TECPR2: variants seen among roughly 807,000 people sequenced by gnomAD.
TECPR2 encodes tectonin beta-propeller repeat containing 2, also known as tectonin beta-propeller repeat-containing protein 2.
TECPR2 carries 65 observed loss-of-function variants against 138.1 expected under a neutral mutation model. The ratio of observed to expected loss-of-function variants is 0.47; its 90% confidence interval spans 0.39 to 0.58. The LOEUF (loss-of-function observed/expected upper bound fraction) is 0.58. TECPR2 is among the 20% of genes least tolerant of loss of function. The pLI is 0.00. For missense variants in TECPR2, 1,553 were observed against 1,824.5 expected (o/e 0.85, Z 2.71); for synonymous variants, 746 against 749.8 (o/e 0.99, Z 0.08).
chr14:102,431,803 T>G lies in TECPR2; in HGVS notation c.1092T>G (p.Asp364Glu), dbSNP rs146320923. 2 of 1,555,486 alleles carry G rather than the reference T, an allele frequency of 1.3e-6. No individual in the cohort carries two copies. The highest frequency in any genetic ancestry group is 1.7e-6 in the Non-Finnish European group (2 of 1,145,772). Residue 364 changes from aspartate to glutamate, a missense_variant, in exon 8 of 20, where the codon GAT becomes GAG. Transcript: ENST00000359520. Reference sequence around the variant, plus strand: ...CAGACTCTTCTTTCTTAGTGAGAGATGGTCTGGAGATGTCTGGATGCTCAG... The same window carrying G: ...CAGACTCTTCTTTCTTAGTGAGAGAGGGTCTGGAGATGTCTGGATGCTCAG... Reference protein sequence around the residue: ...RPEGLTSTVRDGLEMSGCSER... With the variant: ...RPEGLTSTVREGLEMSGCSER...
At chr14:102,432,456 T>C (rs1181725540) in intron 8 of TECPR2, among the ~76,000 whole-genome samples, 1 of 152,096 alleles carries the variant, frequency 6.6e-6, no homozygotes, top group African/African-American at 2.4e-5. Flanking sequence ...GTTTCGCTCG[T>C]CGCCCAGGCT....
Position 102,393,749 on chromosome 14 carries a change from G to T in TECPR2, c.220-13589G>T, listed in dbSNP as rs147540115. Among the ~76,000 whole-genome samples the T allele has an allele frequency of 4.6e-5, 7 of 152,230 alleles. No homozygotes were observed. The East Asian group carries it at 1.4e-3, about 29-fold the overall frequency. ...TAATTTTTGTACTTTTAGTAGAGAT[G>T]GGGTTTCTCCATGTGGGCCAGGCTG... On this transcript the variant is annotated intron_variant, in intron 2 of 19. Coordinates refer to ENST00000359520, the MANE Select transcript of TECPR2 (RefSeq NM_014844.5).
intron 2 of TECPR2, among the ~76,000 whole-genome samples, chr14:102,386,728 T>C (rs1304653582): frequency 6.6e-6 from 1 of 152,190 alleles, no homozygotes; most frequent in Admixed American, 6.6e-5. Flanking sequence ...ATTACACGCA[T>C]AAACACAGCA....
chr14:102,497,790 G>T (rs1045036203), intron 19 of TECPR2, 71 bp downstream of exon 19: 1 of 1,475,138 alleles, frequency 6.8e-7, no homozygotes, highest in South Asian at 1.4e-5. Context: ...ATGTCGGGGG[G>T]CTCTCAAAGA....
At position 102,425,086 on chromosome 14, in the gene TECPR2, G is replaced by C; in HGVS notation, c.746G>C (p.Gly249Ala). 6.2e-7 allele frequency: 1 copy of C among 1,614,118 alleles called. No homozygotes were observed. The highest frequency in any genetic ancestry group is 1.7e-5 in the Admixed American group (1 of 60,018). ...CGGCTATGGAAGGCTGATGTCCACG[G>C]GACTGTTCAAGCCACGTTTATCTTA... is the stretch of plus-strand genomic sequence containing the variant. ...GLRLWKADVH[G>A]TVQATFILKD... Residue 249 changes from glycine (G) to alanine (A), a missense_variant, in exon 6 of 20, where the codon GGG becomes GCG. Gly to Ala is a moderately conservative substitution (Grantham distance 60). Transcript: ENST00000359520.
Position 102,452,536 on chromosome 14 carries a change from G to T in TECPR2, c.3549G>T (p.Ala1183=), listed in dbSNP as rs564868110. 6.2e-7 allele frequency: 1 copy of T among 1,611,670 alleles called. No homozygotes were observed. Among genetic ancestry groups the T allele is most frequent in the African/African-American group, 1.3e-5 (1 of 75,064 alleles). The change falls in exon 16 of 20, where the codon GCG becomes GCT. Residue 1183 remains alanine, a synonymous_variant. Coordinates refer to ENST00000359520, the MANE Select transcript of TECPR2 (RefSeq NM_014844.5). The stretch of plus-strand genomic sequence containing the variant: ...CCGCCTGCCAGGATGCGCTGTGGGC[G>T]CTGGACAGCCTCGGCCAGGTGTTCA... ...AYAACQDALW[A]LDSLGQVFIR...
intron 10 of TECPR2, among the ~76,000 whole-genome samples, chr14:102,438,863 C>CTTTTTTTTTTTTTTTTTT (rs1238082552): frequency 7.8e-6 from 1 of 128,654 alleles, no homozygotes; most frequent in Non-Finnish European, 1.7e-5. Flanking sequence ...TTCTTTCTTT[C>CTTTTTTTTTTTTTTTTTT]TTTTTTTTTT....
intron 1 of TECPR2, among the ~76,000 whole-genome samples, chr14:102,370,678 GT>G (rs1388628211): frequency 1.3e-5 from 2 of 152,222 alleles, no homozygotes; most frequent in African/African-American, 2.4e-5. Flanking sequence ...ACTGCAGAGT[GT>G]TAAGCAAGGG....
intron 17 of TECPR2, among the ~76,000 whole-genome samples, chr14:102,483,410 T>A (rs1433225035): frequency 1.3e-5 from 1 of 77,938 alleles, no homozygotes; most frequent in East Asian, 3.4e-4. Context: ...TTGTTGTTGT[T>A]GTAGGGTTTT....
chr14:102,381,639 C>G (rs958389878), intron 2 of TECPR2, among the ~76,000 whole-genome samples: 1 of 152,150 alleles, frequency 6.6e-6, no homozygotes, highest in East Asian at 1.9e-4. Flanking sequence ...AAATACCTAT[C>G]AAGAAAGGTG....
intron 6 of TECPR2, among the ~76,000 whole-genome samples, chr14:102,427,495 CA>C (rs1417650486): frequency 6.6e-6 from 1 of 152,170 alleles, no homozygotes; most frequent in Non-Finnish European, 1.5e-5. Flanking sequence ...TAAAATTAGC[CA>C]AAAACATAGA....
chr14:102,419,217 C>A lies in TECPR2; in HGVS notation c.638+4424C>A, dbSNP rs777278247. On this transcript the variant is annotated intron_variant, in intron 5 of 19. Transcript: ENST00000359520. The surrounding 1 kb of genome is among the most constrained non-coding windows in gnomAD (Gnocchi z 4.8). ...ATAGCAGCTGCTGCGAGACCGGGGG[C>A]TGAGGCAGCTTCGACGGGCCTGAGT... Among the ~76,000 whole-genome samples, 6 of 151,980 alleles carry A rather than the reference C, an allele frequency of 3.9e-5. No individual in the cohort carries two copies. Among genetic ancestry groups the A allele is most frequent in the Non-Finnish European group, 7.4e-5 (5 of 68,008 alleles).
intron 6 of TECPR2, among the ~76,000 whole-genome samples, chr14:102,426,892 G>A (rs1028131278): frequency 1.3e-5 from 2 of 152,146 alleles, no homozygotes; most frequent in African/African-American, 2.4e-5. Flanking sequence ...CTTCTTTGGT[G>A]TGTGTCAGCA....
At chr14:102,397,444 A>G (rs576862739) in intron 2 of TECPR2, among the ~76,000 whole-genome samples, 1 of 152,212 alleles carries the variant, frequency 6.6e-6, no homozygotes, top group Non-Finnish European at 1.5e-5. Context: ...AAAGATATGC[A>G]AACAACTAAA....
At chr14:102,391,420 A>G (rs1444171436) in intron 2 of TECPR2, among the ~76,000 whole-genome samples, 2 of 152,084 alleles carry the variant, frequency 1.3e-5, no homozygotes, top group Non-Finnish European at 2.9e-5. Context: ...AAAGCAAGAG[A>G]ATATTTCATC....
intron 17 of TECPR2, among the ~76,000 whole-genome samples, chr14:102,479,419 A>T (rs1479584869): frequency 2.0e-5 from 3 of 152,040 alleles, no homozygotes; most frequent in Admixed American, 6.6e-5. Context: ...GAAAGAGAAG[A>T]TCTGAGATGT....
At chr14:102,398,836 C>T (rs2139683093) in intron 2 of TECPR2, among the ~76,000 whole-genome samples, 1 of 152,078 alleles carries the variant, frequency 6.6e-6, no homozygotes, top group South Asian at 2.1e-4. Flanking sequence ...GCCTGGCCTA[C>T]CGAATGAGAC....
At chr14:102,463,885 C>T (rs1049939047) in intron 16 of TECPR2, among the ~76,000 whole-genome samples, 2 of 152,188 alleles carry the variant, frequency 1.3e-5, no homozygotes, top group African/African-American at 4.8e-5. Flanking sequence ...GATTGCACCC[C>T]TGTACACCAG....
intron 1 of TECPR2, among the ~76,000 whole-genome samples, chr14:102,365,063 T>C (rs1319368562): frequency 6.6e-6 from 1 of 152,248 alleles, no homozygotes; most frequent in Non-Finnish European, 1.5e-5. Context: ...AGAGTTCTAT[T>C]GACTTTTTGC....
Sources: gnomAD v4.1 joint callset for allele counts (sites outside exome capture counted in the v4.1 genomes callset) on GRCh38, gnomAD v4.1.1 for gene constraint, Gnocchi (gnomAD v3.1) non-coding constraint, MANE v1.5 for transcripts, NCBI Gene and HGNC (gene_info 2026-07-23, HGNC 2026-07-21) for gene names.